ST7: variants seen among roughly 807,000 people sequenced by gnomAD.
ST7 encodes the protein suppression of tumorigenicity 7.
A neutral mutation model predicts 78.7 loss-of-function variants in ST7; 28 were observed. That is an observed-to-expected ratio of 0.36 (90% CI 0.26 to 0.49). The LOEUF (loss-of-function observed/expected upper bound fraction) is 0.49. Ranked by LOEUF, ST7 falls within the 20% of genes least tolerant of loss-of-function variation. The pLI is 0.99. For missense variants in ST7, 418 were observed against 696.0 expected (o/e 0.60, Z 4.49); for synonymous variants, 247 against 249.6 (o/e 0.99, Z 0.10).
chr7:117,019,370 G>A (rs1326533213), intron 1 of ST7, among the ~76,000 whole-genome samples: 2 of 152,108 alleles, frequency 1.3e-5, no homozygotes, highest in African/African-American at 4.8e-5. Flanking sequence ...GGTAACACAG[G>A]AAGACATTTT....
At position 117,190,726 on chromosome 7, in the gene ST7, A is replaced by G. The variant is rs59689167; in HGVS notation, c.1152-108A>G. The G allele has an allele frequency of 2.4e-6, 2 of 819,872 alleles. No individual in the cohort carries two copies. Among genetic ancestry groups the G allele is most frequent in the African/African-American group, 1.7e-5 (1 of 59,244 alleles). 50.8% of individuals were successfully genotyped at this position (819,872 alleles called of 1,614,324 possible). ...CATGCAGTAGAAGTTTGGAGAGCTC[A>G]TGCTATTGGCTCACTGTGGTTTTAT... On this transcript the variant is annotated intron_variant, in intron 11 of 15. Transcript: ENST00000323984. The surrounding 1 kb of genome is among the most constrained non-coding windows in gnomAD (Gnocchi z 5.2).
chr7:116,999,350 A>G (rs1794817510), intron 1 of ST7, among the ~76,000 whole-genome samples: 1 of 152,242 alleles, frequency 6.6e-6, no homozygotes. Context: ...TCAGGAACTT[A>G]TATACTAAGC....
Position 116,953,706 on chromosome 7 carries a change from C to T in ST7, c.151+15C>T, listed in dbSNP as rs757281468. On this transcript the variant is annotated intron_variant, in intron 1 of 15. Transcript: ENST00000323984. ...CTTGAGCACAGGTAAGGCCTGGGAG[C>T]CGGGCCCGCGGCGCCCACCCCTCCC... 2.1e-6 allele frequency: 3 copies of T among 1,434,518 alleles called. No homozygotes were observed. Among genetic ancestry groups the T allele is most frequent in the East Asian group, 3.1e-5 (1 of 32,294 alleles). 88.9% of individuals were successfully genotyped at this position (1,434,518 alleles called of 1,614,324 possible). A position where few individuals can be genotyped will look rare whatever the true frequency, so the allele number is the denominator to read the frequency against.
intron 9 of ST7, among the ~76,000 whole-genome samples, chr7:117,149,065 C>G (rs1301044621): frequency 6.6e-6 from 1 of 152,118 alleles, no homozygotes; most frequent in African/African-American, 2.4e-5. Flanking sequence ...AATGCAAAAG[C>G]GTTGATCATA....
chr7:117,142,513 A>G (rs1466734362), intron 9 of ST7, among the ~76,000 whole-genome samples: 4 of 152,028 alleles, frequency 2.6e-5, no homozygotes, highest in African/African-American at 9.7e-5. Flanking sequence ...AAGTTGCTAA[A>G]TGTCCCCTGG....
At chr7:116,970,005 G>A (rs1227664399) in intron 1 of ST7, among the ~76,000 whole-genome samples, 1 of 152,092 alleles carries the variant, frequency 6.6e-6, no homozygotes, top group East Asian at 1.9e-4. Context: ...AACCCAGGAG[G>A]CAGAGGTTGC....
intron 1 of ST7, among the ~76,000 whole-genome samples, chr7:117,083,325 A>G (rs1354721125): frequency 6.6e-6 from 1 of 151,844 alleles, no homozygotes; most frequent in African/African-American, 2.4e-5. Flanking sequence ...GCAGTGGCAC[A>G]ATCTTGGCTC....
At chr7:117,145,035 A>T (rs1217327413) in intron 9 of ST7, among the ~76,000 whole-genome samples, 1 of 152,050 alleles carries the variant, frequency 6.6e-6, no homozygotes, top group Non-Finnish European at 1.5e-5. Context: ...CCCCATCTCT[A>T]CTAAAAATAC....
chr7:117,223,449 G>T lies in ST7; in HGVS notation c.1638+1387G>T, dbSNP rs78874944. On this transcript the variant is annotated intron_variant, in intron 15 of 15. Transcript: ENST00000323984. ...CAGCATGGCATCCAAGACTCTTTAT[G>T]ATCTGGCCCTTGCTTACCTCTCAGC... 888 of 167,866 alleles carry T rather than the reference G, an allele frequency of 5.3e-3. 6 individuals carry two copies. Among genetic ancestry groups the T allele is most frequent in the African/African-American group, 0.018 (768 of 41,780 alleles). 10.4% of individuals were successfully genotyped at this position (167,866 alleles called of 1,614,324 possible).
chr7:117,038,376 T>C (rs889527810), intron 1 of ST7, among the ~76,000 whole-genome samples: 1 of 152,220 alleles, frequency 6.6e-6, no homozygotes. Context: ...TTCCAGTGTC[T>C]AAAGCAATTT....
At chr7:117,121,362 A>G (rs1384228405) in intron 3 of ST7, among the ~76,000 whole-genome samples, 2 of 152,178 alleles carry the variant, frequency 1.3e-5, no homozygotes, top group Non-Finnish European at 2.9e-5. Flanking sequence ...GCCATCTTTT[A>G]TATGTGTACC....
intron 1 of ST7, 74 bp downstream of exon 1, chr7:116,953,765 C>A: frequency 2.7e-6 from 3 of 1,130,766 alleles, no homozygotes; most frequent in Non-Finnish European, 3.3e-6. Context: ...TCGCGCGGGG[C>A]CGCGGCCAGG....
At chr7:117,131,190 T>C (rs1804320966) in intron 5 of ST7, among the ~76,000 whole-genome samples, 1 of 151,752 alleles carries the variant, frequency 6.6e-6, no homozygotes, top group South Asian at 2.1e-4. Context: ...AAAATGTTTT[T>C]GAAAGGGAAC....
intron 12 of ST7, among the ~76,000 whole-genome samples, chr7:117,208,923 GT>G (rs1405549117): frequency 3.3e-5 from 5 of 151,264 alleles, no homozygotes; most frequent in Non-Finnish European, 5.9e-5. Context: ...GTGTGTGTGT[GT>G]GTGTGTGTGT....
chr7:117,071,015 C>G (rs938802340), intron 1 of ST7, among the ~76,000 whole-genome samples: 1 of 151,922 alleles, frequency 6.6e-6, no homozygotes, highest in Admixed American at 6.6e-5. Context: ...GTCAGGAGAT[C>G]GAGACCATCT....
intron 1 of ST7, among the ~76,000 whole-genome samples, chr7:117,097,908 A>ATTTTTTTTTTTTTT (rs751549285): frequency 3.3e-5 from 1 of 30,010 alleles, no homozygotes; most frequent in Non-Finnish European, 5.4e-5. Context: ...ATATATATAT[A>ATTTTTTTTTTTTTT]TTTTTTTTTT....
intron 1 of ST7, among the ~76,000 whole-genome samples, chr7:117,016,893 A>T (rs916496266): frequency 6.6e-6 from 1 of 152,214 alleles, no homozygotes; most frequent in Non-Finnish European, 1.5e-5. Flanking sequence ...ATTAGAAAAG[A>T]GCATTTATTT....
intron 9 of ST7, chr7:117,144,284 C>T (rs1805565101): frequency 6.6e-6 from 1 of 151,740 alleles, no homozygotes; most frequent in South Asian, 2.1e-4. Flanking sequence ...GTGAAAAAGG[C>T]AAAGAAAAAT....
chr7:117,081,605 GTA>G (rs1799782178), intron 1 of ST7, among the ~76,000 whole-genome samples: 2 of 152,082 alleles, frequency 1.3e-5, no homozygotes, highest in South Asian at 4.1e-4. Flanking sequence ...AATGAAACCA[GTA>G]CTCTAAAGTA....
Sources: gnomAD v4.1 joint callset for allele counts (sites outside exome capture counted in the v4.1 genomes callset) on GRCh38, gnomAD v4.1.1 for gene constraint, Gnocchi (gnomAD v3.1) non-coding constraint, MANE v1.5 for transcripts, NCBI Gene and HGNC (gene_info 2026-07-23, HGNC 2026-07-21) for gene names.